LYPLAL1: variants seen among roughly 807,000 people sequenced by gnomAD.
LYPLAL1 encodes the protein lysophospholipase like 1.
LYPLAL1 carries 23 observed loss-of-function variants against 19.7 expected under a neutral mutation model. The observed-to-expected ratio is 1.17, with a 90% CI of 0.84 to 1.65. The LOEUF (loss-of-function observed/expected upper bound fraction) is 1.65. LYPLAL1 is among the 40% of genes most tolerant of loss of function. The pLI, the probability that LYPLAL1 is intolerant of heterozygous loss-of-function variation, is 0.00. For missense variants in LYPLAL1, 355 were observed against 279.4 expected, an observed-to-expected ratio of 1.27 and a Z score of -1.93; for synonymous variants, 119 against 96.3, an observed-to-expected ratio of 1.24 and a Z score of -1.38.
the LYPLAL1 span, among the ~76,000 whole-genome samples, chr1:219,355,249 A>G: frequency 6.6e-6 from 1 of 152,340 alleles, no homozygotes; most frequent in Admixed American, 6.5e-5. Context: ...ACTGCATTGG[A>G]CAGCACAGCC....
chr1:219,281,033 G>A, the LYPLAL1 span, among the ~76,000 whole-genome samples: 169 of 152,236 alleles, frequency 1.1e-3, 1 homozygote, highest in African/African-American at 3.9e-3. Flanking sequence ...TGGGTGACAA[G>A]GTGAGACTGT....
the LYPLAL1 span, among the ~76,000 whole-genome samples, chr1:219,245,659 A>G: frequency 7.2e-5 from 11 of 152,214 alleles, no homozygotes; most frequent in Admixed American, 2.6e-4. Flanking sequence ...GAAGATCTGT[A>G]TTGTGTACAA....
chr1:219,306,338 A>G, the LYPLAL1 span, among the ~76,000 whole-genome samples: 25 of 152,266 alleles, frequency 1.6e-4, no homozygotes, highest in South Asian at 5.0e-3. Context: ...AGCCACAGGG[A>G]GCCCAGGTAT....
At chr1:219,199,076 T>C (rs1416749438) in intron 3 of LYPLAL1, among the ~76,000 whole-genome samples, 1 of 152,188 alleles carries the variant, frequency 6.6e-6, no homozygotes, top group East Asian at 1.9e-4. Context: ...CCAAGTAGTA[T>C]GCGTACTCCA....
At chr1:219,288,738 C>T in the LYPLAL1 span, among the ~76,000 whole-genome samples, 1 of 152,174 alleles carries the variant, frequency 6.6e-6, no homozygotes, top group Non-Finnish European at 1.5e-5. Context: ...ATGGGGAAGG[C>T]TGACCATATG....
At chr1:219,327,586 G>A in the LYPLAL1 span, among the ~76,000 whole-genome samples, 2 of 151,866 alleles carry the variant, frequency 1.3e-5, no homozygotes, top group East Asian at 1.9e-4. Context: ...ACCAAACAAA[G>A]AAACTATTCT....
the LYPLAL1 span, among the ~76,000 whole-genome samples, chr1:219,437,982 G>A: frequency 1.3e-5 from 2 of 151,968 alleles, no homozygotes; most frequent in African/African-American, 4.8e-5. Context: ...GGCTAGGCTG[G>A]TCTCGAACTC....
chr1:219,302,642 GA>G, the LYPLAL1 span, among the ~76,000 whole-genome samples: 1 of 152,128 alleles, frequency 6.6e-6, no homozygotes, highest in Non-Finnish European at 1.5e-5. Context: ...GAGGACACAT[GA>G]GAAAGGTATC....
the LYPLAL1 span, among the ~76,000 whole-genome samples, chr1:219,252,455 T>C: frequency 6.6e-6 from 1 of 152,030 alleles, no homozygotes; most frequent in Non-Finnish European, 1.5e-5. Flanking sequence ...GGTATGTTCC[T>C]TCGATACCTA....
chr1:219,381,245 G>T, the LYPLAL1 span, among the ~76,000 whole-genome samples: 1 of 152,138 alleles, frequency 6.6e-6, no homozygotes, highest in African/African-American at 2.4e-5. Context: ...TCTCTTGCCT[G>T]CTGCCATGTA....
At chr1:219,302,800 G>A in the LYPLAL1 span, among the ~76,000 whole-genome samples, 1 of 151,946 alleles carries the variant, frequency 6.6e-6, no homozygotes, top group African/African-American at 2.4e-5. Flanking sequence ...TATTCTTGAT[G>A]TTTTTCTCCT....
At chr1:219,364,416 A>T in the LYPLAL1 span, among the ~76,000 whole-genome samples, 2 of 151,934 alleles carry the variant, frequency 1.3e-5, no homozygotes, top group Non-Finnish European at 1.5e-5. Flanking sequence ...CTAGCCTTTG[A>T]TCTTGAGTTT....
the LYPLAL1 span, among the ~76,000 whole-genome samples, chr1:219,297,488 A>G: frequency 1.3e-5 from 2 of 152,196 alleles, no homozygotes; most frequent in Non-Finnish European, 2.9e-5. Context: ...GCAGTGTCTC[A>G]GATTGAAATC....
At chr1:219,224,442 C>T in the LYPLAL1 span, among the ~76,000 whole-genome samples, 9 of 152,176 alleles carry the variant, frequency 5.9e-5, no homozygotes, top group South Asian at 1.9e-3. Flanking sequence ...TGTCTTAGTT[C>T]TTCCATAGAA....
the LYPLAL1 span, among the ~76,000 whole-genome samples, chr1:219,252,705 T>C: frequency 1.3e-5 from 2 of 152,228 alleles, no homozygotes; most frequent in South Asian, 4.1e-4. Context: ...TTGAGGATTT[T>C]TGCATCATTG....
the LYPLAL1 span, among the ~76,000 whole-genome samples, chr1:219,444,706 C>G: frequency 6.6e-6 from 1 of 152,130 alleles, no homozygotes; most frequent in Admixed American, 6.5e-5. Flanking sequence ...ATAAATTTCC[C>G]TCTGATTGGT....
chr1:219,232,496 C>T, the LYPLAL1 span, among the ~76,000 whole-genome samples: 2 of 151,898 alleles, frequency 1.3e-5, no homozygotes, highest in Admixed American at 1.3e-4. Flanking sequence ...TTGGGTATGA[C>T]AGCAAAAGCA....
At chr1:219,191,752 T>G (rs1657200055) in intron 2 of LYPLAL1, among the ~76,000 whole-genome samples, 1 of 151,524 alleles carries the variant, frequency 6.6e-6, no homozygotes, top group Admixed American at 6.6e-5. Context: ...AATCTCATAT[T>G]TAAAAAATTT....
chr1:219,434,553 TC>T, the LYPLAL1 span, among the ~76,000 whole-genome samples: 1 of 152,210 alleles, frequency 6.6e-6, no homozygotes, highest in African/African-American at 2.4e-5. Context: ...CTAATGCATT[TC>T]TATGAAATTA....
Sources: gnomAD v4.1 joint callset for allele counts (sites outside exome capture counted in the v4.1 genomes callset) on GRCh38, gnomAD v4.1.1 for gene constraint, MANE v1.5 for transcripts, NCBI Gene and HGNC (gene_info 2026-07-23, HGNC 2026-07-21) for gene names.